Variants in LRP1B observed in about 807,000 individuals in gnomAD.
LRP1B encodes the protein low-density lipoprotein receptor-related protein 1B.
A neutral mutation model predicts 556.6 loss-of-function variants in LRP1B; 217 were observed. The ratio of observed to expected loss-of-function variants is 0.39; its 90% CI spans 0.35 to 0.44. LRP1B has a LOEUF of 0.44. Among genes scored for constraint, LRP1B ranks in the 20% least tolerant of loss-of-function variants. LRP1B has a pLI of 1.00. For synonymous variants in LRP1B, 2,047 were observed against 1,865.8 expected (o/e 1.10, Z -2.50); for missense variants, 5,053 against 5,620.8 (o/e 0.90, Z 3.23).
In LRP1B at chr2:140,667,518, T is replaced by G. The variant is rs540658155; in HGVS notation, c.6799+32732A>C. Among the ~76,000 whole-genome samples, 3 of 152,224 alleles carry G rather than the reference T, an allele frequency of 2.0e-5. No homozygotes were observed. The East Asian group carries it at 5.8e-4, about 29-fold the overall frequency. On this transcript the variant is annotated intron_variant, in intron 41 of 90. Coordinates refer to ENST00000389484, the MANE Select transcript of LRP1B (RefSeq NM_018557.3). ...GTTGGATTTATTTTTAAAATTCTGT[T>G]GCTCCTTCAAATAATTTTTCTGCTC... is the stretch of plus-strand genomic sequence containing the variant.
rs147666453 is a variant in LRP1B at position 142,129,139 on chromosome 2, C to T, written c.82+1509G>A. 6.2e-3 allele frequency among the ~76,000 whole-genome samples: 942 copies of T among 152,292 alleles called. 13 individuals are homozygous for T. The highest frequency in any genetic ancestry group is 0.021 in the African/African-American group (877 of 41,566). On this transcript the variant is annotated intron_variant, in intron 1 of 90. Transcript: ENST00000389484. ...CTCTGGTCCAACTTCAAACATTTTT[C>T]CTAAGAAAGGTTGAGAGCTGATTGT...
At chr2:141,295,091 A>G (rs1686131571) in intron 3 of LRP1B, among the ~76,000 whole-genome samples, 1 of 152,110 alleles carries the variant, frequency 6.6e-6, no homozygotes, top group African/African-American at 2.4e-5. Context: ...AGATTATGAA[A>G]CTTCACTGAA....
At chr2:141,295,736 TGAG>T (rs1030162415) in intron 3 of LRP1B, among the ~76,000 whole-genome samples, 7 of 72,098 alleles carry the variant, frequency 9.7e-5, no homozygotes, top group African/African-American at 3.2e-4. Flanking sequence ...AACTTTACTA[TGAG>T]GAGAGAAACA....
intron 41 of LRP1B, among the ~76,000 whole-genome samples, chr2:140,626,626 G>T (rs1471536736): frequency 2.0e-5 from 3 of 150,924 alleles, no homozygotes; most frequent in Non-Finnish European, 4.4e-5. Context: ...ATATCTTCCT[G>T]TATGCAAAGG....
chr2:140,586,878 C>A, intron 43 of LRP1B, among the ~76,000 whole-genome samples: 2 of 151,310 alleles, frequency 1.3e-5, no homozygotes, highest in South Asian at 2.1e-4. Flanking sequence ...AAAATCACAA[C>A]TAATAGATGC....
At chr2:141,411,636 G>A (rs1390500323) in intron 3 of LRP1B, among the ~76,000 whole-genome samples, 1 of 152,044 alleles carries the variant, frequency 6.6e-6, no homozygotes, top group East Asian at 1.9e-4. Context: ...GAAAATGTGC[G>A]TGCGTGTGTG....
rs73965713 is a variant in LRP1B at position 141,567,671 on chromosome 2, T to C, written c.206-87138A>G. On this transcript the variant is annotated intron_variant, in intron 2 of 90. Transcript: ENST00000389484. ...AGAGACTCTCTAAGTGTTTAGAATA[T>C]GCTCTGAAATTACATTAGGTATGTG... Among the ~76,000 whole-genome samples the C allele has an allele frequency of 5.7e-3, 864 of 152,060 alleles. 6 individuals carry two copies. The highest frequency in any genetic ancestry group is 0.019 in the African/African-American group (810 of 41,542).
chr2:141,992,381 C>T (rs1702373202), intron 1 of LRP1B, among the ~76,000 whole-genome samples: 1 of 152,088 alleles, frequency 6.6e-6, no homozygotes, highest in Non-Finnish European at 1.5e-5. Context: ...CAATTCTGTG[C>T]ATTAATGCCC....
intron 7 of LRP1B, among the ~76,000 whole-genome samples, chr2:141,134,197 A>C (rs1375829485): frequency 1.3e-5 from 2 of 151,188 alleles, no homozygotes; most frequent in Admixed American, 6.6e-5. Flanking sequence ...ATCTACCATG[A>C]CCTCTGTATC....
chr2:141,383,551 G>GT (rs1689717510), intron 3 of LRP1B, among the ~76,000 whole-genome samples: 3 of 152,128 alleles, frequency 2.0e-5, no homozygotes, highest in South Asian at 4.1e-4. Flanking sequence ...AGAAACCATT[G>GT]TAAGTAGAAA....
At position 141,229,436 on chromosome 2, in the gene LRP1B, A is replaced by G; in HGVS notation, c.597T>C (p.Pro199=). ...DNRSCKAKIE[P]TDRPPILLIA... is the part of the protein sequence containing the mutation. ...TTAATAGTATAGGTGGTCTATCTGT[A>G]GGTTCTGGAATAAAATAGAAAAAGA... The change falls in exon 6 of 91, where the codon CCT becomes CCC. Residue 199 remains proline, a synonymous_variant. Coordinates refer to ENST00000389484, the MANE Select transcript of LRP1B (RefSeq NM_018557.3). 4 of 1,551,426 alleles carry G rather than the reference A, an allele frequency of 2.6e-6. No homozygotes were observed. The highest frequency in any genetic ancestry group is 3.5e-6 in the Non-Finnish European group (4 of 1,134,096).
At chr2:141,467,824 T>C (rs1400493619) in intron 3 of LRP1B, among the ~76,000 whole-genome samples, 5 of 22,254 alleles carry the variant, frequency 2.2e-4, no homozygotes, top group Admixed American at 1.3e-3. Context: ...TTTGTTTGTT[T>C]GTTTGTTTGC....
chr2:141,295,736 T>C (rs1686154712), intron 3 of LRP1B, among the ~76,000 whole-genome samples: 1 of 72,098 alleles, frequency 1.4e-5, no homozygotes, highest in Non-Finnish European at 3.1e-5. Context: ...AACTTTACTA[T>C]GAGGAGAGAA....
At chr2:140,714,073 T>C (rs564480008) in intron 37 of LRP1B, among the ~76,000 whole-genome samples, 3 of 152,186 alleles carry the variant, frequency 2.0e-5, no homozygotes, top group Non-Finnish European at 4.4e-5. Flanking sequence ...AGTGACACTA[T>C]TCCTTTAACT....
chr2:142,125,751 T>C lies in LRP1B; in HGVS notation c.82+4897A>G, dbSNP rs72852624. On this transcript the variant is annotated intron_variant, in intron 1 of 90. Coordinates refer to ENST00000389484, the MANE Select transcript of LRP1B (RefSeq NM_018557.3). ...TTGGGAATAGCTATCCATGTGAAAA[T>C]GTATAGCAACTCCACAGAAGAAAAT... 4.4e-3 allele frequency among the ~76,000 whole-genome samples: 668 copies of C among 151,908 alleles called. 5 individuals carry two copies. Among genetic ancestry groups the C allele is most frequent in the Non-Finnish European group, 8.2e-3 (553 of 67,748 alleles).
intron 23 of LRP1B, among the ~76,000 whole-genome samples, chr2:140,894,706 T>G (rs950765423): frequency 6.6e-6 from 1 of 152,054 alleles, no homozygotes; most frequent in African/African-American, 2.4e-5. Context: ...CCCAGCACTT[T>G]GGGAAGCCGA....
intron 2 of LRP1B, among the ~76,000 whole-genome samples, chr2:141,557,553 A>T (rs1686004687): frequency 1.3e-5 from 2 of 151,924 alleles, no homozygotes; most frequent in Non-Finnish European, 2.9e-5. Flanking sequence ...CACAACTACC[A>T]CATCCGTTCC....
intron 5 of LRP1B, among the ~76,000 whole-genome samples, chr2:141,242,147 T>C (rs1449816033): frequency 6.6e-6 from 1 of 152,074 alleles, no homozygotes; most frequent in African/African-American, 2.4e-5. Context: ...TTTTAATAGC[T>C]GAATTTCAGG....
intron 59 of LRP1B, among the ~76,000 whole-genome samples, chr2:140,482,854 T>G (rs148390112): frequency 0.037 from 5,628 of 152,244 alleles, 156 homozygotes; most frequent in Non-Finnish European, 0.047. Flanking sequence ...GAAACGGTAG[T>G]CAGTAGTTTT....
Sources: gnomAD v4.1 joint callset for allele counts (sites outside exome capture counted in the v4.1 genomes callset) on GRCh38, gnomAD v4.1.1 for gene constraint, MANE v1.5 for transcripts, NCBI Gene and HGNC (gene_info 2026-07-23, HGNC 2026-07-21) for gene names.